The following MUC7 variants were observed in gnomAD, a reference collection of about 807,000 sequenced individuals.
MUC7 encodes the protein mucin 7, secreted.
Under a neutral mutation model 2.5 loss-of-function variants are expected in MUC7, and 2 were observed. The ratio of observed to expected loss-of-function variants is 0.81; its 90% CI spans 0.33 to 2.55. The LOEUF (loss-of-function observed/expected upper bound fraction) is 2.55. Ranked by LOEUF, MUC7 falls within the 30% of genes most tolerant of loss-of-function variation. The probability of loss-of-function intolerance (pLI) is 0.11; values close to 1 mark genes in which losing one functional copy is unlikely to be tolerated. For missense variants in MUC7, 408 were observed against 455.6 expected, an observed-to-expected ratio of 0.90 and a Z score of 0.95; for synonymous variants, 133 against 173.4, an observed-to-expected ratio of 0.77 and a Z score of 1.83.
At position 70,481,772 on chromosome 4, in the gene MUC7, C is replaced by T; in HGVS notation, c.1028C>T (p.Thr343Ile). ...ACTTCGGTCACTACTCAAACTACTA[C>T]TACTAAACAACCAACTTCAGCTCCT... ...TTTSVTTQTTTTKQPTSAPGQ... is the reference protein window; with the variant it reads ...TTTSVTTQTTITKQPTSAPGQ... Residue 343 changes from threonine to isoleucine, a missense_variant, in exon 3 of 3, where the codon ACT becomes ATT. By Grantham distance (89) the Thr-to-Ile change is moderately conservative. Coordinates refer to ENST00000304887, the MANE Select transcript of MUC7 (RefSeq NM_152291.3). 1.9e-6 allele frequency: 3 copies of T among 1,614,208 alleles called. No individual in the cohort carries two copies. The highest frequency in any genetic ancestry group is 2.5e-6 in the Non-Finnish European group (3 of 1,180,022).
chr4:70,439,406 A>G (rs1733945846), intron 1 of MUC7, among the ~76,000 whole-genome samples: 2 of 152,034 alleles, frequency 1.3e-5, no homozygotes, highest in South Asian at 4.2e-4. Context: ...TAAGCAGGGG[A>G]TTTGGTGCCC....
intron 1 of MUC7, among the ~76,000 whole-genome samples, chr4:70,434,464 A>C (rs1298580136): frequency 6.6e-6 from 1 of 152,222 alleles, no homozygotes; most frequent in Non-Finnish European, 1.5e-5. Flanking sequence ...GTATGTGTCC[A>C]GGAATTTATC....
At chr4:70,471,768 A>AT (rs1007281147), upstream of MUC7, among the ~76,000 whole-genome samples, 3 of 151,982 alleles carry the variant, frequency 2.0e-5, no homozygotes, top group Non-Finnish European at 4.4e-5. Context: ...GCACCACAGT[A>AT]TTTTTTTTAA....
intron 2 of MUC7, among the ~76,000 whole-genome samples, chr4:70,474,382 T>C (rs1006404591): frequency 2.6e-5 from 4 of 151,882 alleles, no homozygotes; most frequent in Admixed American, 2.6e-4. Context: ...TAGCCAGGTG[T>C]GGTGGTGCGT....
chr4:70,443,323 TA>T (rs34709517), intron 1 of MUC7, among the ~76,000 whole-genome samples: 2 of 148,580 alleles, frequency 1.3e-5, no homozygotes, highest in Non-Finnish European at 3.0e-5. Flanking sequence ...GAATTTACCT[TA>T]AAAAAAAAAC....
In MUC7 at chr4:70,481,272, A is replaced by G. The variant is rs763086576; in HGVS notation, c.528A>G (p.Thr176=). ...CCCCACCCACACCTTCTGCAACTACACCAGCTCCACCATCTTCCTCAGCTC... is the reference window on the plus strand; with the variant it reads ...CCCCACCCACACCTTCTGCAACTACGCCAGCTCCACCATCTTCCTCAGCTC... ...TAAPPTPSAT[T]PAPPSSSAPP... is the part of the protein sequence containing the mutation. Residue 176 remains threonine (T), a synonymous_variant, in exon 3 of 3, where the codon ACA becomes ACG. Coordinates refer to ENST00000304887, the MANE Select transcript of MUC7 (RefSeq NM_152291.3). 42 of 1,612,682 alleles carry G rather than the reference A, an allele frequency of 2.6e-5. No individual in the cohort carries two copies. The highest frequency in any genetic ancestry group is 3.5e-5 in the Non-Finnish European group (41 of 1,179,598).
intron 1 of MUC7, among the ~76,000 whole-genome samples, chr4:70,437,413 C>T (rs1161054438): frequency 6.6e-6 from 1 of 151,856 alleles, no homozygotes; most frequent in Non-Finnish European, 1.5e-5. Flanking sequence ...ACTGCCCACT[C>T]AAGCCTCAGC....
chr4:70,481,084 G>A lies in MUC7; in HGVS notation c.340G>A (p.Val114Met). Residue 114 changes from valine to methionine, a missense_variant, in exon 3 of 3, where the codon GTG becomes ATG. Coordinates refer to ENST00000304887, the MANE Select transcript of MUC7 (RefSeq NM_152291.3). ...TLVATTQIPSVTFPSASTKIT... is the reference protein window; with the variant it reads ...TLVATTQIPSMTFPSASTKIT... ...AGTGGCTACAACCCAAATTCCATCT[G>A]TGACTTTCCCATCAGCTTCCACCAA... 1 of 1,614,080 alleles carries A rather than the reference G, an allele frequency of 6.2e-7. No homozygotes were observed. Among genetic ancestry groups the A allele is most frequent in the Non-Finnish European group, 8.5e-7 (1 of 1,180,010 alleles).
chr4:70,456,495 A>C (rs1206597919), intron 1 of MUC7, among the ~76,000 whole-genome samples: 1 of 152,188 alleles, frequency 6.6e-6, no homozygotes, highest in East Asian at 1.9e-4. Context: ...GAAATTTACA[A>C]TCATGGCTGA....
At chr4:70,468,260 AATAATAAGAGCTACTT>A (rs368443840), upstream of MUC7, among the ~76,000 whole-genome samples, 19 of 152,322 alleles carry the variant, frequency 1.2e-4, no homozygotes, top group Admixed American at 3.9e-4. Flanking sequence ...CGTACATCAA[AATAATAAGAGCTACTT>A]ATGACAAACC....
intron 1 of MUC7, among the ~76,000 whole-genome samples, chr4:70,436,993 A>T (rs961599711): frequency 6.6e-6 from 1 of 151,870 alleles, no homozygotes. Flanking sequence ...CTGGAGGTCT[A>T]CTCCAGACCC....
intron 1 of MUC7, among the ~76,000 whole-genome samples, chr4:70,441,437 T>C (rs1163379173): frequency 6.6e-6 from 1 of 152,006 alleles, no homozygotes. Context: ...GAAAAGAGAG[T>C]ATCTTTAAAA....
At chr4:70,467,910 C>A (rs557672721), upstream of MUC7, among the ~76,000 whole-genome samples, 6 of 152,034 alleles carry the variant, frequency 3.9e-5, no homozygotes, top group Non-Finnish European at 8.8e-5. Context: ...ACTCATTTTG[C>A]GAGGCCAGCA....
Position 70,482,287 on chromosome 4 carries a change from G to A in MUC7, c.*409G>A, listed in dbSNP as rs41514944. 3,611 of 171,008 alleles carry A rather than the reference G, an allele frequency of 0.021. 146 individuals are homozygous for A. The highest frequency in any genetic ancestry group is 0.08 in the African/African-American group (3,357 of 41,796). 10.6% of individuals were successfully genotyped at this position (171,008 alleles called of 1,614,324 possible). On this transcript the variant is annotated 3_prime_UTR_variant, in exon 3 of 3. Transcript: ENST00000304887. ...CCTATAAACATAAAGGGGTAAAATT[G>A]GAACTCTCCAGATGAACAAAGACAT...
intron 1 of MUC7, among the ~76,000 whole-genome samples, chr4:70,459,619 T>C (rs373713586): frequency 5.3e-5 from 8 of 152,188 alleles, no homozygotes; most frequent in African/African-American, 1.2e-4. Context: ...TTTTTACAAA[T>C]ATGTATGGAA....
intron 1 of MUC7, among the ~76,000 whole-genome samples, chr4:70,456,331 T>C (rs1377514554): frequency 6.6e-6 from 1 of 152,160 alleles, no homozygotes; most frequent in African/African-American, 2.4e-5. Context: ...AATAAGCATG[T>C]CAAAAATGAA....
At chr4:70,438,480 CAG>C (rs1256798492) in intron 1 of MUC7, among the ~76,000 whole-genome samples, 4 of 147,690 alleles carry the variant, frequency 2.7e-5, no homozygotes, top group African/African-American at 1.1e-4. Context: ...GGTTTTGAGA[CAG>C]AGTCTCACTC....
At chr4:70,440,495 ACAAAAACAAAAGGAGAAGAAATAAAACC>A (rs1051955491) in intron 1 of MUC7, among the ~76,000 whole-genome samples, 1 of 152,214 alleles carries the variant, frequency 6.6e-6, no homozygotes, top group Non-Finnish European at 1.5e-5. Flanking sequence ...AAATAAGAAA[ACAAAAACAAAAGGAGAAGAAATAAAACC>A]TAACATTTGA....
chr4:70,430,716 A>G (rs1238279654), intron 1 of MUC7: 1 of 152,126 alleles, frequency 6.6e-6, no homozygotes, highest in Non-Finnish European at 1.5e-5. Flanking sequence ...ACAAATTAAG[A>G]CTTTTGAATA....
Sources: allele counts gnomAD v4.1 joint callset (sites outside exome capture counted in the v4.1 genomes callset), GRCh38; gene constraint gnomAD v4.1.1; transcripts MANE v1.5; gene names NCBI Gene and HGNC (gene_info 2026-07-23, HGNC 2026-07-21).